The following STRADA variants were observed in gnomAD, a reference collection of about 807,000 sequenced individuals.
The protein encoded by STRADA is STE20 related adaptor alpha, also known as STE20-related kinase adapter protein alpha.
A neutral mutation model predicts 55.0 loss-of-function variants in STRADA; 26 were observed. The observed-to-expected ratio is 0.47, with a 90% CI of 0.35 to 0.66. The LOEUF is 0.66. Among genes scored for constraint, STRADA ranks in the 30% least tolerant of loss-of-function variants. STRADA has a pLI of 0.01. For synonymous variants in STRADA, 197 were observed against 210.9 expected, an observed-to-expected ratio of 0.93 and a Z score of 0.57; for missense variants, 443 against 549.7, an observed-to-expected ratio of 0.81 and a Z score of 1.94.
chr17:63,732,329 CT>C (rs1287712982), intron 1 of STRADA, among the ~76,000 whole-genome samples: 1 of 151,892 alleles, frequency 6.6e-6, no homozygotes, highest in Non-Finnish European at 1.5e-5. Context: ...AAAAACCATT[CT>C]TTTTTTGGAG....
chr17:63,703,911 C>T, intron 12 of STRADA, 94 bp downstream of exon 12: 2 of 1,606,882 alleles, frequency 1.2e-6, no homozygotes, highest in Middle Eastern at 1.7e-4. Context: ...GGGGTAGTTT[C>T]TCTCATTCAA....
intron 4 of STRADA, among the ~76,000 whole-genome samples, chr17:63,721,088 C>A (rs1280464483): frequency 8.1e-6 from 1 of 124,144 alleles, no homozygotes; most frequent in East Asian, 2.4e-4. Context: ...AAAAGTGAAG[C>A]TCCGGCTGGG....
intron 4 of STRADA, among the ~76,000 whole-genome samples, chr17:63,719,358 T>C (rs2037127582): frequency 6.6e-6 from 1 of 152,210 alleles, no homozygotes; most frequent in Non-Finnish European, 1.5e-5. Flanking sequence ...ATCTGCTCTC[T>C]AAGCAAACTC....
chr17:63,735,057 A>C (rs1221231838), intron 1 of STRADA, among the ~76,000 whole-genome samples: 1 of 152,020 alleles, frequency 6.6e-6, no homozygotes, highest in Non-Finnish European at 1.5e-5. Flanking sequence ...TGTGAAGCTG[A>C]GACAGGAGAA....
At position 63,713,459 on chromosome 17, in the gene STRADA, C is replaced by G. The variant is rs2143909037; in HGVS notation, c.295G>C (p.Val99Leu). ...CAAGCTTCTAGGTTAATCCTCCGTA[C>G]AGTCACGTACTCTCCTGTTGGTTTG... ...RYKPTGEYVT[V>L]RRINLEACSN... Residue 99 changes from valine to leucine, a missense_variant, in exon 6 of 13, where the codon GTA (valine) becomes CTA (leucine). Physicochemically the swap from Val to Leu is conservative, Grantham distance 32. Coordinates refer to ENST00000336174, the MANE Select transcript of STRADA (RefSeq NM_001003787.4). 2 of 1,614,176 alleles carry G rather than the reference C, an allele frequency of 1.2e-6. No homozygotes were observed. The highest frequency in any genetic ancestry group is 3.3e-5 in the Admixed American group (2 of 60,026).
intron 4 of STRADA, among the ~76,000 whole-genome samples, chr17:63,719,379 C>A (rs1379184130): frequency 6.6e-6 from 1 of 152,154 alleles, no homozygotes; most frequent in African/African-American, 2.4e-5. Context: ...CTTAAAATTT[C>A]TCTCACTTGA....
At chr17:63,719,850 T>C (rs2037170500) in intron 4 of STRADA, among the ~76,000 whole-genome samples, 1 of 152,128 alleles carries the variant, frequency 6.6e-6, no homozygotes, top group Non-Finnish European at 1.5e-5. Flanking sequence ...TAAGACATAT[T>C]GTCTACTAGG....
Position 63,710,761 on chromosome 17 carries a change from C to T in STRADA, c.424G>A (p.Glu142Lys). 6.2e-7 allele frequency: 1 copy of T among 1,614,184 alleles called. No individual in the cohort carries two copies. ...PYRATFIADN[E>K]LWVVTSFMAY... ...ATGAATGATGTGACAACCCACAGCT[C>T]ATTGTCTGCAATAAAAGTGGCTCGA... The change falls in exon 7 of 13, where the codon GAG (glutamate) becomes AAG (lysine). Residue 142 changes from glutamate to lysine, a missense_variant. Physicochemically the swap from Glu to Lys is moderately conservative, Grantham distance 56. Coordinates refer to ENST00000336174, the MANE Select transcript of STRADA (RefSeq NM_001003787.4).
chr17:63,727,985 T>G (rs1331524179), intron 2 of STRADA: 5 of 186,490 alleles, frequency 2.7e-5, no homozygotes, highest in Non-Finnish European at 4.3e-5. Flanking sequence ...AATTACAACT[T>G]GATTTTGAAA....
intron 10 of STRADA, chr17:63,706,425 C>T (rs2143767764): frequency 1.9e-6 from 1 of 526,708 alleles, no homozygotes; most frequent in Non-Finnish European, 3.4e-6. Context: ...GGGCTCCCCT[C>T]CCCAAGCTGG....
intron 6 of STRADA, 118 bp from the exon 7 acceptor site, chr17:63,710,954 C>A: frequency 1.1e-6 from 1 of 895,760 alleles, no homozygotes. Flanking sequence ...TTCTCAGAGT[C>A]ATGGGAACAG....
intron 12 of STRADA, 111 bp from the exon 13 acceptor site, chr17:63,703,862 TGA>T (rs1236318329): frequency 6.2e-7 from 1 of 1,611,272 alleles, no homozygotes; most frequent in Non-Finnish European, 8.5e-7. Context: ...GCCAACTCCA[TGA>T]GAGGAAGGAG....
intron 1 of STRADA, among the ~76,000 whole-genome samples, chr17:63,731,897 T>C (rs752280706): frequency 1.3e-5 from 2 of 152,158 alleles, no homozygotes; most frequent in Non-Finnish European, 1.5e-5. Context: ...CAGGGTTTCA[T>C]TCTATTGCCC....
rs756443418 is a variant in STRADA, at chr17:63,703,573, G to A, written c.*26C>T. 4 of 1,602,290 alleles carry A rather than the reference G, an allele frequency of 2.5e-6. No homozygotes were observed. The highest frequency in any genetic ancestry group is 4.5e-5 in the East Asian group (2 of 44,616). The stretch of plus-strand genomic sequence containing the variant: ...CTGGGTGGCCTCTGCATCCCTGGCT[G>A]GAGAATGCGCACAGTTTGCAGAGGC... On this transcript the variant is annotated 3_prime_UTR_variant, in exon 13 of 13. Transcript: ENST00000336174.
At chr17:63,735,975 C>T (rs886874122) in intron 1 of STRADA, among the ~76,000 whole-genome samples, 6 of 152,070 alleles carry the variant, frequency 3.9e-5, no homozygotes, top group African/African-American at 7.2e-5. Flanking sequence ...CTGGCTCTGT[C>T]GCCCAGGCCA....
At chr17:63,706,383 G>A (rs1426627894) in intron 10 of STRADA, 3 of 460,322 alleles carry the variant, frequency 6.5e-6, no homozygotes, top group Admixed American at 3.8e-5. Flanking sequence ...TAGACATGTA[G>A]CGTGTGGGCC....
chr17:63,718,475 A>G (rs966745512), intron 4 of STRADA, among the ~76,000 whole-genome samples: 3 of 152,222 alleles, frequency 2.0e-5, no homozygotes, highest in Non-Finnish European at 4.4e-5. Flanking sequence ...TAACTCCTGC[A>G]CATATTCTTG....
intron 4 of STRADA, among the ~76,000 whole-genome samples, chr17:63,721,627 T>C (rs1424552851): frequency 1.3e-5 from 2 of 150,918 alleles, no homozygotes; most frequent in Admixed American, 6.6e-5. Context: ...GGCAGGAGAA[T>C]TGCTTGAACC....
chr17:63,707,191 G>A (rs2036151350), intron 9 of STRADA, 56 bp downstream of exon 9: 4 of 1,598,240 alleles, frequency 2.5e-6, no homozygotes, highest in South Asian at 2.2e-5. Flanking sequence ...ATGCCTGAAG[G>A]CTCCCTTGGG....
Sources: gnomAD v4.1 joint callset for allele counts (sites outside exome capture counted in the v4.1 genomes callset) on GRCh38, gnomAD v4.1.1 for gene constraint, MANE v1.5 for transcripts, NCBI Gene and HGNC (gene_info 2026-07-23, HGNC 2026-07-21) for gene names.